Variants in FAM227B observed in about 807,000 individuals in gnomAD.
FAM227B encodes the protein family with sequence similarity 227 member B.
In FAM227B, 88 loss-of-function variants were observed where a neutral mutation model predicts 73.8. The observed-to-expected ratio is 1.19, with a 90% confidence interval of 1.00 to 1.42. FAM227B has a LOEUF of 1.42. Among genes scored for constraint, FAM227B ranks in the 40% most tolerant of loss-of-function variants. The pLI is 0.00. For synonymous variants in FAM227B, 210 were observed against 190.5 expected, an observed-to-expected ratio of 1.10 and a Z score of -0.84; for missense variants, 632 against 590.9, an observed-to-expected ratio of 1.07 and a Z score of -0.72.
At chr15:49,475,149 G>A (rs2055149833) in intron 11 of FAM227B, among the ~76,000 whole-genome samples, 2 of 152,152 alleles carry the variant, frequency 1.3e-5, no homozygotes, top group South Asian at 4.1e-4. Context: ...CTCCGGTAGT[G>A]TATGATTAGT....
intron 11 of FAM227B, among the ~76,000 whole-genome samples, chr15:49,402,934 A>T (rs2048272294): frequency 6.6e-6 from 1 of 152,074 alleles, no homozygotes; most frequent in Non-Finnish European, 1.5e-5. Flanking sequence ...TATGGCTCTT[A>T]TTTCGAGGTA....
chr15:49,493,601 C>A (rs966217361), intron 11 of FAM227B, among the ~76,000 whole-genome samples: 4 of 151,874 alleles, frequency 2.6e-5, no homozygotes, highest in African/African-American at 9.7e-5. Context: ...TCTATAAATT[C>A]CCACTGCATG....
intron 13 of FAM227B, among the ~76,000 whole-genome samples, chr15:49,346,965 G>GT (rs1252006986): frequency 6.6e-6 from 1 of 152,118 alleles, no homozygotes; most frequent in Non-Finnish European, 1.5e-5. Flanking sequence ...CAACATCCAT[G>GT]TATCAAAAAC....
chr15:49,422,129 A>G (rs576148163), intron 11 of FAM227B, among the ~76,000 whole-genome samples: 1 of 141,930 alleles, frequency 7.0e-6, no homozygotes, highest in East Asian at 2.2e-4. Context: ...ATAGAGAGAG[A>G]GAGAGAGAGA....
In FAM227B at chr15:49,532,340, T is replaced by G. The variant is rs527472416; in HGVS notation, c.874+9340A>C. On this transcript the variant is annotated intron_variant, in intron 10 of 15. Coordinates refer to ENST00000299338, the MANE Select transcript of FAM227B (RefSeq NM_152647.3). ...AAATAAAGGTTTACTCAGGGGAAACTCATAGCCTTGATTCTTTTATTACTA... is the reference window on the plus strand; with the variant it reads ...AAATAAAGGTTTACTCAGGGGAAACGCATAGCCTTGATTCTTTTATTACTA... 2.0e-5 allele frequency among the ~76,000 whole-genome samples: 3 copies of G among 151,918 alleles called. No homozygotes were observed. The South Asian group carries it at 6.2e-4, about 32-fold the overall frequency.
intron 3 of FAM227B, among the ~76,000 whole-genome samples, chr15:49,603,096 CT>C (rs2153312042): frequency 6.6e-6 from 1 of 152,088 alleles, no homozygotes; most frequent in South Asian, 2.1e-4. Context: ...TTGTTTTACT[CT>C]TTTGCTTAGA....
At chr15:49,431,236 C>G (rs1412548422) in intron 11 of FAM227B, among the ~76,000 whole-genome samples, 1 of 151,716 alleles carries the variant, frequency 6.6e-6, no homozygotes, top group Non-Finnish European at 1.5e-5. Flanking sequence ...AAATGAAAAT[C>G]CTCTGCCTTC....
chr15:49,505,792 T>C (rs2058537218), intron 11 of FAM227B, among the ~76,000 whole-genome samples: 1 of 152,012 alleles, frequency 6.6e-6, no homozygotes, highest in Admixed American at 6.5e-5. Flanking sequence ...AGATTAATCA[T>C]ATCAATAATT....
chr15:49,513,387 GC>G (rs1305403206), intron 10 of FAM227B, among the ~76,000 whole-genome samples: 2 of 152,118 alleles, frequency 1.3e-5, no homozygotes, highest in East Asian at 1.9e-4. Flanking sequence ...ACATTTGTTG[GC>G]CACATAAATA....
intron 10 of FAM227B, among the ~76,000 whole-genome samples, chr15:49,517,718 T>C (rs971269608): frequency 6.6e-6 from 1 of 152,166 alleles, no homozygotes; most frequent in Non-Finnish European, 1.5e-5. Context: ...CATAAATGTA[T>C]AGCTCAATTA....
chr15:49,367,639 G>C (rs754755632), intron 12 of FAM227B, 31 bp from the exon 13 acceptor site: 1 of 1,524,380 alleles, frequency 6.6e-7, no homozygotes, highest in Admixed American at 2.6e-5. Context: ...TCAAGACAAC[G>C]ATTACTTTTG....
chr15:49,339,625 G>A (rs2040358096), intron 13 of FAM227B, among the ~76,000 whole-genome samples: 1 of 152,192 alleles, frequency 6.6e-6, no homozygotes, highest in Admixed American at 6.5e-5. Flanking sequence ...GAGAAGGTAG[G>A]CTGTCCCTTA....
At chr15:49,489,258 G>C (rs1487723379) in intron 11 of FAM227B, 2 of 984,912 alleles carry the variant, frequency 2.0e-6, no homozygotes, top group East Asian at 2.3e-4. Flanking sequence ...CATAAACTGG[G>C]ATTCTACAGG....
chr15:49,493,879 T>TAA (rs893137056), intron 11 of FAM227B, among the ~76,000 whole-genome samples: 1 of 137,372 alleles, frequency 7.3e-6, no homozygotes, highest in Admixed American at 7.7e-5. Flanking sequence ...TGTGTATATA[T>TAA]ATATATATAT....
intron 11 of FAM227B, among the ~76,000 whole-genome samples, chr15:49,454,856 G>A (rs927524115): frequency 1.3e-5 from 2 of 152,036 alleles, no homozygotes; most frequent in African/African-American, 4.8e-5. Context: ...TGATCCGCTC[G>A]CCTCGGCCTC....
At chr15:49,496,238 A>G (rs932873861) in intron 11 of FAM227B, among the ~76,000 whole-genome samples, 1 of 152,144 alleles carries the variant, frequency 6.6e-6, no homozygotes, top group East Asian at 1.9e-4. Context: ...TACTAGGTAC[A>G]TAAAAGTACA....
chr15:49,569,746 A>C (rs1290737477), intron 8 of FAM227B, among the ~76,000 whole-genome samples: 2 of 151,928 alleles, frequency 1.3e-5, no homozygotes, highest in Admixed American at 6.6e-5. Context: ...CTCCTGTCTC[A>C]CTGAAACTCT....
rs2049959367 is a variant in FAM227B at position 49,424,515 on chromosome 15, C to A, written c.1013-53116G>T. The A allele has an allele frequency of 1.2e-6, 2 of 1,612,688 alleles. No homozygotes were observed. Among genetic ancestry groups the A allele is most frequent in the Admixed American group, 1.7e-5 (1 of 59,914 alleles). ...AGAGTGAGAAGACTCTTCTGTCGAA[C>A]ACAGTGGTACCTGAGGATCGATAAA... On this transcript the variant is annotated intron_variant, in intron 11 of 15. Transcript: ENST00000299338.
At chr15:49,349,947 G>T (rs1349136440) in intron 13 of FAM227B, among the ~76,000 whole-genome samples, 1 of 152,152 alleles carries the variant, frequency 6.6e-6, no homozygotes, top group East Asian at 1.9e-4. Flanking sequence ...GAGAATTTAA[G>T]AATTTAGATG....
Sources: gnomAD v4.1 joint callset for allele counts (sites outside exome capture counted in the v4.1 genomes callset) on GRCh38, gnomAD v4.1.1 for gene constraint, MANE v1.5 for transcripts, NCBI Gene and HGNC (gene_info 2026-07-23, HGNC 2026-07-21) for gene names.